Variants in COG2 observed in about 807,000 individuals in gnomAD.
COG2 encodes component of oligomeric golgi complex 2, also known as conserved oligomeric Golgi complex subunit 2.
Under a neutral mutation model 90.6 loss-of-function variants are expected in COG2, and 52 were observed. The observed-to-expected ratio is 0.57, with a 90% CI of 0.46 to 0.72. The LOEUF (loss-of-function observed/expected upper bound fraction) is 0.72. Among genes scored for constraint, COG2 ranks in the 30% least tolerant of loss-of-function variants. COG2 has a pLI of 0.00. For missense variants in COG2, 829 were observed against 891.2 expected (o/e 0.93, Z 0.89); for synonymous variants, 337 against 320.4 (o/e 1.05, Z -0.55).
In COG2 at chr1:230,644,942, G is replaced by T. The variant is rs190664995; in HGVS notation, c.72+2264G>T. Among the ~76,000 whole-genome samples, 3 of 152,222 alleles carry T rather than the reference G, an allele frequency of 2.0e-5. No homozygotes were observed. The East Asian group carries it at 5.8e-4, about 29-fold the overall frequency. The stretch of plus-strand genomic sequence containing the variant: ...AGTTTGTGGAAAATATTACGTAAAT[G>T]ATCAAAAAGCAGGAGTGGCAGATGA... On this transcript the variant is annotated intron_variant, in intron 1 of 17. Coordinates refer to ENST00000366669, the MANE Select transcript of COG2 (RefSeq NM_007357.3).
chr1:230,662,443 G>A lies in COG2; in HGVS notation c.301-698G>A, dbSNP rs1293154429. Among the ~76,000 whole-genome samples the A allele has an allele frequency of 5.2e-4, 79 of 152,046 alleles. 3 individuals carry two copies. The highest frequency in any genetic ancestry group is 5.2e-3 in the Admixed American group (79 of 15,258). On this transcript the variant is annotated intron_variant, in intron 3 of 17. Coordinates refer to ENST00000366669, the MANE Select transcript of COG2 (RefSeq NM_007357.3). ...TTTGTGATTTCTCCAGTTTATTCTA[G>A]TTTTTCCATTACTTTCATTTTGGCC...
intron 16 of COG2, 82 bp from the exon 17 acceptor site, chr1:230,691,302 T>C: frequency 8.0e-7 from 1 of 1,254,586 alleles, no homozygotes; most frequent in Non-Finnish European, 1.1e-6. Flanking sequence ...AAATCTCTTT[T>C]TTTGGTCCAC....
In COG2 at chr1:230,642,617, G is replaced by T. The variant is rs761037770; in HGVS notation, c.11G>T (p.Ser4Ile). Reference protein sequence around the residue: MEKSRMNLPKGPDT... With the variant: MEKIRMNLPKGPDT... The stretch of plus-strand genomic sequence containing the variant: ...GCGGTGGCCGGCGGGATGGAGAAAA[G>T]TAGGATGAACCTGCCCAAGGGGCCG... The change falls in exon 1 of 18, where the codon AGT (serine) becomes ATT (isoleucine). Residue 4 changes from serine (S) to isoleucine (I), a missense_variant. Ser to Ile is a moderately radical substitution (Grantham distance 142). Coordinates refer to ENST00000366669, the MANE Select transcript of COG2 (RefSeq NM_007357.3). 1.9e-6 allele frequency: 3 copies of T among 1,612,738 alleles called. No homozygotes were observed. The highest frequency in any genetic ancestry group is 4.5e-5 in the East Asian group (2 of 44,830).
rs757418004 is a variant in COG2 at position 230,688,422 on chromosome 1, G to A, written c.1654G>A (p.Ala552Thr). 1 of 1,613,750 alleles carries A rather than the reference G, an allele frequency of 6.2e-7. No individual in the cohort carries two copies. The highest frequency in any genetic ancestry group is 8.5e-7 in the Non-Finnish European group (1 of 1,179,890). ...AATCCAGTCTTTAATCTCAACAGCA[G>A]CCCTGGAGGACTCCCAGAGCTCTTT... ...GFKNFSSISA[A>T]LEDSQSSFSA... The change falls in exon 15 of 18, where the codon GCC becomes ACC. Residue 552 changes from alanine to threonine, a missense_variant and splice_region_variant. Physicochemically the swap from Ala to Thr is moderately conservative, Grantham distance 58 (BLOSUM62 0). Transcript: ENST00000366669.
At chr1:230,647,017 T>C (rs1402938872) in intron 1 of COG2, among the ~76,000 whole-genome samples, 1 of 152,158 alleles carries the variant, frequency 6.6e-6, no homozygotes, top group East Asian at 1.9e-4. Flanking sequence ...TCTTGCCTTT[T>C]TCTAGTCCGT....
At chr1:230,679,191 GA>G in intron 10 of COG2, 139 bp downstream of exon 10, 1 of 789,214 alleles carries the variant, frequency 1.3e-6, no homozygotes, top group Non-Finnish European at 1.9e-6. Context: ...TGAAAGTGGA[GA>G]AAGAGATATA....
intron 17 of COG2, chr1:230,691,968 G>C (rs1663041578): frequency 6.2e-6 from 1 of 161,480 alleles, no homozygotes; most frequent in Non-Finnish European, 1.4e-5. Context: ...GAAATCCTTT[G>C]AGCATAACTT....
Position 230,671,486 on chromosome 1 carries a change from T to C in COG2, c.775-30T>C, listed in dbSNP as rs559196766. ...TCGTTTGTACTTCCCTTTTAAATGC[T>C]TTTTTAAAAAATGATTTTTCTTTTA... On this transcript the variant is annotated intron_variant, in intron 7 of 17. Coordinates refer to ENST00000366669, the MANE Select transcript of COG2 (RefSeq NM_007357.3). 7 of 1,588,556 alleles carry C rather than the reference T, an allele frequency of 4.4e-6. No homozygotes were observed. The African/African-American group carries it at 6.8e-5, about 15-fold the overall frequency.
At chr1:230,692,443 A>C (rs1184932106) in intron 17 of COG2, among the ~76,000 whole-genome samples, 1 of 152,168 alleles carries the variant, frequency 6.6e-6, no homozygotes, top group Non-Finnish European at 1.5e-5. Context: ...TGAAAATTCA[A>C]CTTTTTTCTG....
At position 230,688,027 on chromosome 1, in the gene COG2, T is replaced by C. The variant is rs1475779510; in HGVS notation, c.1579-44T>C. 3.6e-6 allele frequency: 5 copies of C among 1,371,634 alleles called. No individual in the cohort carries two copies. The East Asian group carries it at 1.2e-4, about 33-fold the overall frequency. The allele number at this position is 1,371,634 out of a possible 1,614,324, so 85.0% of individuals were successfully genotyped here. A position where few individuals can be genotyped will look rare whatever the true frequency, so the allele number is the denominator to read the frequency against. ...CAAATAGAATTGCCTCTTCCTTTGA[T>C]TTATAAAAAGTAACTGAATATATAA... On this transcript the variant is annotated intron_variant, in intron 13 of 17. Transcript: ENST00000366669.
At chr1:230,692,845 A>G (rs923342586) in intron 17 of COG2, among the ~76,000 whole-genome samples, 2 of 151,926 alleles carry the variant, frequency 1.3e-5, no homozygotes, top group East Asian at 1.9e-4. Context: ...TCGGTGACCA[A>G]AATAATCCAC....
intron 3 of COG2, among the ~76,000 whole-genome samples, chr1:230,661,803 A>T (rs752089117): frequency 3.9e-5 from 6 of 152,162 alleles, no homozygotes; most frequent in Non-Finnish European, 7.3e-5. Context: ...AATATTTTCA[A>T]ATGTTTATGT....
chr1:230,659,678 CATACTT>C (rs2102749513), intron 2 of COG2, 53 bp downstream of exon 2: 3 of 1,546,358 alleles, frequency 1.9e-6, no homozygotes, highest in Non-Finnish European at 2.6e-6. Context: ...CTTTCTCACT[CATACTT>C]ATTCTTAGAA....
intron 9 of COG2, chr1:230,678,284 G>A: frequency 1.0e-6 from 1 of 985,386 alleles, no homozygotes; most frequent in Non-Finnish European, 1.2e-6. Flanking sequence ...AACAGAAGAA[G>A]AAGCATCATT....
At chr1:230,651,732 T>A (rs1300773144) in intron 1 of COG2, among the ~76,000 whole-genome samples, 1 of 152,180 alleles carries the variant, frequency 6.6e-6, no homozygotes, top group East Asian at 1.9e-4. Context: ...GCATATATAT[T>A]TTAACAAGAA....
intron 16 of COG2, 73 bp downstream of exon 16, chr1:230,690,226 A>G: frequency 7.5e-7 from 1 of 1,338,870 alleles, no homozygotes; most frequent in East Asian, 2.3e-5. Flanking sequence ...AAGGCAATCA[A>G]GCACTGCGTA....
At chr1:230,683,755 G>A (rs1662813996) in intron 11 of COG2, 120 bp downstream of exon 11, 2 of 682,268 alleles carry the variant, frequency 2.9e-6, no homozygotes, top group Non-Finnish European at 2.5e-6. Context: ...TAATCATACA[G>A]TAAGTTGGAC....
At chr1:230,683,460 C>A in intron 10 of COG2, 114 bp from the exon 11 acceptor site, 5 of 639,798 alleles carry the variant, frequency 7.8e-6, no homozygotes, top group South Asian at 1.7e-5. Flanking sequence ...CGAGGCTGGA[C>A]TTACCAGTGA....
intron 5 of COG2, 53 bp from the exon 6 acceptor site, chr1:230,668,623 C>G: frequency 9.1e-7 from 1 of 1,102,794 alleles, no homozygotes. Flanking sequence ...GATGTATTCT[C>G]GTGGAAATAG....
Sources: allele counts gnomAD v4.1 joint callset (sites outside exome capture counted in the v4.1 genomes callset), GRCh38; gene constraint gnomAD v4.1.1; transcripts MANE v1.5; gene names NCBI Gene and HGNC (gene_info 2026-07-23, HGNC 2026-07-21).